SYNRG: variants seen among roughly 807,000 people sequenced by gnomAD.
The protein encoded by SYNRG is synergin gamma, also known as AP1 gamma subunit binding protein 1.
SYNRG carries 37 observed loss-of-function variants against 130.9 expected under a neutral mutation model. The observed-to-expected ratio is 0.28, with a 90% CI of 0.22 to 0.37. The LOEUF is 0.37. Among genes scored for constraint, SYNRG ranks in the 10% least tolerant of loss-of-function variants. The pLI is 1.00. For missense variants in SYNRG, 1,338 were observed against 1,588.9 expected (o/e 0.84, Z 2.68); for synonymous variants, 539 against 568.1 (o/e 0.95, Z 0.73).
intron 13 of SYNRG, among the ~76,000 whole-genome samples, chr17:37,557,899 T>G (rs1261920709): frequency 6.6e-6 from 1 of 152,224 alleles, no homozygotes; most frequent in Non-Finnish European, 1.5e-5. Context: ...GCTTACATTT[T>G]GGTGACACCA....
At chr17:37,599,707 G>A (rs1470604845) in intron 2 of SYNRG, among the ~76,000 whole-genome samples, 2 of 152,096 alleles carry the variant, frequency 1.3e-5, no homozygotes, top group Non-Finnish European at 2.9e-5. Flanking sequence ...GGACGACAGA[G>A]CAAGAGACTC....
chr17:37,537,601 A>C (rs2057328366), intron 18 of SYNRG: 1 of 152,222 alleles, frequency 6.6e-6, no homozygotes, highest in Non-Finnish European at 1.5e-5. Flanking sequence ...CTACACTCCA[A>C]CCTGGGTGAC....
At chr17:37,533,166 C>CA (rs1225166324) in intron 19 of SYNRG, among the ~76,000 whole-genome samples, 1 of 152,058 alleles carries the variant, frequency 6.6e-6, no homozygotes, top group African/African-American at 2.4e-5. Flanking sequence ...TTTGGGAGGC[C>CA]AAGGTGGGTG....
intron 14 of SYNRG, among the ~76,000 whole-genome samples, chr17:37,544,839 T>TA (rs2058125695): frequency 6.6e-6 from 1 of 152,164 alleles, no homozygotes; most frequent in East Asian, 1.9e-4. Flanking sequence ...ATAATACAGA[T>TA]ATTTCTATTA....
At chr17:37,568,125 AC>A (rs1279161022) in intron 11 of SYNRG, 1 of 152,242 alleles carries the variant, frequency 6.6e-6, no homozygotes, top group Non-Finnish European at 1.5e-5. Context: ...AGGCAGGAAA[AC>A]TTGGGAGGTG....
intron 1 of SYNRG, chr17:37,600,604 A>C: frequency 1.4e-6 from 1 of 698,480 alleles, no homozygotes; most frequent in Non-Finnish European, 2.6e-6. Context: ...AAACTTGTTG[A>C]AACAAAAGAC....
chr17:37,581,771 T>C (rs1468476746), intron 6 of SYNRG, among the ~76,000 whole-genome samples: 2 of 149,592 alleles, frequency 1.3e-5, no homozygotes, highest in Admixed American at 6.6e-5. Flanking sequence ...TTTTCTTTTT[T>C]TTTTTTTTTT....
chr17:37,556,880 A>G (rs1483393288), intron 13 of SYNRG, among the ~76,000 whole-genome samples: 2 of 152,048 alleles, frequency 1.3e-5, no homozygotes, highest in African/African-American at 4.8e-5. Flanking sequence ...TTGCTTTGAA[A>G]TATCTGTGAA....
At chr17:37,540,807 G>A (rs941193145) in intron 15 of SYNRG, 5 of 789,078 alleles carry the variant, frequency 6.3e-6, no homozygotes, top group Non-Finnish European at 6.5e-6. Flanking sequence ...GCTAATTTTT[G>A]TATTTTTAGT....
chr17:37,586,229 A>G (rs1465909088), intron 4 of SYNRG, among the ~76,000 whole-genome samples, 190 bp downstream of exon 4: 2 of 152,200 alleles, frequency 1.3e-5, no homozygotes, highest in African/African-American at 4.8e-5. Flanking sequence ...CCTGGGCTCA[A>G]GCAATCTGCC....
chr17:37,587,581 C>T (rs977857098), intron 3 of SYNRG, among the ~76,000 whole-genome samples: 2 of 152,214 alleles, frequency 1.3e-5, no homozygotes, highest in African/African-American at 4.8e-5. Flanking sequence ...TTCTCACTAA[C>T]AGACTTCATC....
intron 11 of SYNRG, chr17:37,567,434 G>A (rs575784639): frequency 3.3e-5 from 5 of 152,306 alleles, no homozygotes; most frequent in African/African-American, 9.6e-5. Context: ...GAGGTGCCTT[G>A]ACTCATTCAG....
intron 13 of SYNRG, among the ~76,000 whole-genome samples, chr17:37,559,690 CAAAA>C (rs904058728): frequency 6.8e-6 from 1 of 146,976 alleles, no homozygotes; most frequent in Non-Finnish European, 1.5e-5. Context: ...AACTCTGTTT[CAAAA>C]AAAAAAGACT....
Position 37,561,180 on chromosome 17 carries a change from G to A in SYNRG, c.1663+15C>T. The A allele has an allele frequency of 6.2e-7, 1 of 1,600,648 alleles. No individual in the cohort carries two copies. Among genetic ancestry groups the A allele is most frequent in the Non-Finnish European group, 8.5e-7 (1 of 1,171,698 alleles). ...AATGGAAATAATTTATCCTTTTGAG[G>A]ACTCAAAAACTTACCTAAAGGTTTA... is the stretch of plus-strand genomic sequence containing the variant. On this transcript the variant is annotated intron_variant, in intron 13 of 21. Transcript: ENST00000612223.
At chr17:37,593,376 G>A (rs749887874) in intron 3 of SYNRG, among the ~76,000 whole-genome samples, 2 of 152,012 alleles carry the variant, frequency 1.3e-5, no homozygotes, top group Non-Finnish European at 2.9e-5. Flanking sequence ...TTGTACCACT[G>A]CACTCCAGCC....
At chr17:37,528,947 C>T (rs187129707) in intron 19 of SYNRG, among the ~76,000 whole-genome samples, 38 of 152,286 alleles carry the variant, frequency 2.5e-4, no homozygotes, top group Admixed American at 5.9e-4. Flanking sequence ...GCAATTATAA[C>T]GGAAAGCACA....
intron 13 of SYNRG, among the ~76,000 whole-genome samples, chr17:37,559,788 G>A (rs1248940387): frequency 1.3e-5 from 2 of 152,264 alleles, no homozygotes; most frequent in East Asian, 3.9e-4. Context: ...ACATTGTTGA[G>A]CAGTGTAATA....
chr17:37,561,120 C>T lies in SYNRG; in HGVS notation c.1663+75G>A, dbSNP rs201083114. On this transcript the variant is annotated intron_variant, in intron 13 of 21. Coordinates refer to ENST00000612223, the MANE Select transcript of SYNRG (RefSeq NM_007247.6). The stretch of plus-strand genomic sequence containing the variant: ...ACACACTAAAATAAAGGGAATGCCA[C>T]TGAAAGAACCATCGAAAACCCCTTT... The T allele has an allele frequency of 7.8e-6, 10 of 1,289,364 alleles. No homozygotes were observed. The East Asian group carries it at 2.3e-4, about 30-fold the overall frequency. The allele number at this position is 1,289,364 out of a possible 1,614,324, so 79.9% of individuals were successfully genotyped here.
rs556826782 is a variant in SYNRG at position 37,577,272 on chromosome 17, C to T, written c.823+108G>A. 264 of 1,044,938 alleles carry T rather than the reference C, an allele frequency of 2.5e-4. 4 individuals carry two copies. In the South Asian group the frequency reaches 3.8e-3, roughly 15 times the overall value. 64.7% of individuals were successfully genotyped at this position (1,044,938 alleles called of 1,614,324 possible). A position where few individuals can be genotyped will look rare whatever the true frequency, so the allele number is the denominator to read the frequency against. On this transcript the variant is annotated intron_variant, in intron 7 of 21. Transcript: ENST00000612223. ...ATTAAATATATTTCAAGCAAAATTT[C>T]GATTAGCAAAATCAAGCAGCATTCA...
Sources: allele counts gnomAD v4.1 joint callset (sites outside exome capture counted in the v4.1 genomes callset), GRCh38; gene constraint gnomAD v4.1.1; transcripts MANE v1.5; gene names NCBI Gene and HGNC (gene_info 2026-07-23, HGNC 2026-07-21).